CLTCL1: variants seen among roughly 807,000 people sequenced by gnomAD.
CLTCL1 encodes clathrin heavy chain like 1.
CLTCL1 carries 159 observed loss-of-function variants against 190.0 expected under a neutral mutation model. The observed-to-expected ratio is 0.84, with a 90% confidence interval of 0.74 to 0.95. The LOEUF is 0.95. Ranked by LOEUF, CLTCL1 falls within the 40% of genes least tolerant of loss-of-function variation. The probability of loss-of-function intolerance (pLI) is 0.00; values close to 1 mark genes in which losing one functional copy is unlikely to be tolerated. For synonymous variants in CLTCL1, 752 were observed against 769.6 expected (o/e 0.98, Z 0.38); for missense variants, 1,878 against 2,033.4 (o/e 0.92, Z 1.47).
At chr22:19,246,507 G>A (rs1217188198) in intron 3 of CLTCL1, among the ~76,000 whole-genome samples, 4 of 150,174 alleles carry the variant, frequency 2.7e-5, no homozygotes, top group Non-Finnish European at 5.9e-5. Context: ...ATGGAGTTTC[G>A]CTCTTGTTGC....
chr22:19,210,186 T>G, intron 20 of CLTCL1, 140 bp downstream of exon 20: 2 of 711,486 alleles, frequency 2.8e-6, no homozygotes, highest in Non-Finnish European at 4.4e-6. Flanking sequence ...GGGTTGCTGG[T>G]GAGGAACAGA....
intron 2 of CLTCL1, among the ~76,000 whole-genome samples, chr22:19,267,701 T>C (rs1392423539): frequency 6.6e-6 from 1 of 151,924 alleles, no homozygotes; most frequent in Non-Finnish European, 1.5e-5. Flanking sequence ...CAAGACCAGC[T>C]TGGCCAACAT....
chr22:19,256,486 A>G (rs2086763007), intron 2 of CLTCL1, among the ~76,000 whole-genome samples: 1 of 149,596 alleles, frequency 6.7e-6, no homozygotes, highest in Non-Finnish European at 1.5e-5. Flanking sequence ...CCCCCCGAGT[A>G]TCAGGGATTA....
chr22:19,236,123 C>G (rs2086075590), intron 5 of CLTCL1, among the ~76,000 whole-genome samples: 1 of 152,148 alleles, frequency 6.6e-6, no homozygotes, highest in Non-Finnish European at 1.5e-5. Flanking sequence ...CCACACCTAG[C>G]TATACAAGGA....
At chr22:19,242,573 G>A (rs782122207) in intron 4 of CLTCL1, among the ~76,000 whole-genome samples, 21 of 152,168 alleles carry the variant, frequency 1.4e-4, no homozygotes, top group Non-Finnish European at 2.2e-4. Context: ...GATTACAGGC[G>A]TGAGCCACCG....
chr22:19,222,233 G>A lies in CLTCL1; in HGVS notation c.2419-140C>T. On this transcript the variant is annotated intron_variant, in intron 15 of 32. Transcript: ENST00000427926. ...CGCTGTGTCCCACCAAAATTCACCT[G>A]CTGATGTCCTAACCCCTAGTGGGAT... is the stretch of plus-strand genomic sequence containing the variant. 7 of 802,466 alleles carry A rather than the reference G, an allele frequency of 8.7e-6. No homozygotes were observed. In the South Asian group the frequency reaches 1.2e-4, roughly 13 times the overall value. 49.7% of individuals were successfully genotyped at this position (802,466 alleles called of 1,614,324 possible). A position where few individuals can be genotyped will look rare whatever the true frequency, so the allele number is the denominator to read the frequency against.
chr22:19,180,844 A>T (rs956582321), intron 30 of CLTCL1, 38 bp from the exon 31 acceptor site: 1 of 1,588,206 alleles, frequency 6.3e-7, no homozygotes, highest in Non-Finnish European at 8.6e-7. Context: ...CCCGCTTGAC[A>T]GAGTGCAGTC....
rs899332155 is a variant in CLTCL1, at chr22:19,220,138, T to C, written c.2797-131A>G. On this transcript the variant is annotated intron_variant, in intron 17 of 32. Coordinates refer to ENST00000427926, the MANE Select transcript of CLTCL1 (RefSeq NM_007098.4). ...GACAGTCAGGGCCCAGGCAAGACGCTATGCTTTGACATGGGATGAGCAGCA... is the reference window on the plus strand; with the variant it reads ...GACAGTCAGGGCCCAGGCAAGACGCCATGCTTTGACATGGGATGAGCAGCA... 1.4e-5 allele frequency: 16 copies of C among 1,129,180 alleles called. No individual in the cohort carries two copies. The Admixed American group carries it at 1.8e-4, about 13-fold the overall frequency. 69.9% of individuals were successfully genotyped at this position (1,129,180 alleles called of 1,614,324 possible).
At chr22:19,242,189 C>T (rs2086277659) in intron 4 of CLTCL1, among the ~76,000 whole-genome samples, 1 of 151,340 alleles carries the variant, frequency 6.6e-6, no homozygotes, top group African/African-American at 2.4e-5. Context: ...GCAATCCACC[C>T]ACCTCGGCCT....
At chr22:19,227,449 C>CTTT (rs1216657802) in intron 11 of CLTCL1, among the ~76,000 whole-genome samples, 13 of 125,316 alleles carry the variant, frequency 1.0e-4, no homozygotes, top group African/African-American at 3.0e-4. Context: ...CACCTGGCTA[C>CTTT]TTTTTTTTTT....
chr22:19,226,177 T>A (rs1555955830), intron 12 of CLTCL1, 42 bp downstream of exon 12: 1 of 1,596,278 alleles, frequency 6.3e-7, no homozygotes. Context: ...ATTAATTGCA[T>A]AGACAACAGC....
intron 1 of CLTCL1, among the ~76,000 whole-genome samples, chr22:19,276,320 G>T (rs2087501502): frequency 6.6e-6 from 1 of 152,204 alleles, no homozygotes; most frequent in Admixed American, 6.5e-5. Flanking sequence ...CATTTCCCTA[G>T]ATATCATCAA....
intron 2 of CLTCL1, among the ~76,000 whole-genome samples, chr22:19,262,932 G>A (rs1428885317): frequency 6.6e-6 from 1 of 151,696 alleles, no homozygotes; most frequent in African/African-American, 2.4e-5. Flanking sequence ...TCGGGAGGCT[G>A]AGGCAGGAGG....
chr22:19,232,103 G>C (rs1428226583), intron 10 of CLTCL1, among the ~76,000 whole-genome samples: 4 of 152,132 alleles, frequency 2.6e-5, no homozygotes, highest in African/African-American at 9.7e-5. Flanking sequence ...ATGAACATCT[G>C]GGGGACGCAA....
At chr22:19,227,255 C>G (rs1480166840) in intron 11 of CLTCL1, among the ~76,000 whole-genome samples, 2 of 147,188 alleles carry the variant, frequency 1.4e-5, no homozygotes, top group African/African-American at 5.0e-5. Context: ...CTCCTGGAAA[C>G]AATTTTGATG....
chr22:19,187,413 ACTAATCCCCCCACCCACCACGAGGATCCC>A, intron 29 of CLTCL1, 116 bp downstream of exon 29: 1 of 733,298 alleles, frequency 1.4e-6, no homozygotes, highest in African/African-American at 1.8e-5. Context: ...TCCCATTAAT[ACTAATCCCCCCACCCACCACGAGGATCCC>A]CTGGTGAAGC....
intron 3 of CLTCL1, among the ~76,000 whole-genome samples, chr22:19,251,951 C>T (rs1337224711): frequency 3.3e-5 from 5 of 152,156 alleles, no homozygotes; most frequent in Non-Finnish European, 2.9e-5. Flanking sequence ...GTGAGTAAGC[C>T]AAAGTCTTAG....
At chr22:19,229,807 G>A in intron 11 of CLTCL1, 31 bp downstream of exon 11, 1 of 1,571,684 alleles carries the variant, frequency 6.4e-7, no homozygotes, top group Non-Finnish European at 8.6e-7. Context: ...CAGGTGCTCT[G>A]CCTCTCGGTG....
chr22:19,183,984 G>A lies in CLTCL1; in HGVS notation c.4606-373C>T. 3.2e-5 allele frequency: 11 copies of A among 340,046 alleles called. No homozygotes were observed. In the South Asian group the frequency reaches 3.5e-4, roughly 11 times the overall value. 21.1% of individuals were successfully genotyped at this position (340,046 alleles called of 1,614,324 possible). ...AGGTCCATGGAGCGTGTGACACCAG[G>A]GGAGCAGTTAGGAGGGGTACGGCTA... is the stretch of plus-strand genomic sequence containing the variant. On this transcript the variant is annotated intron_variant, in intron 29 of 32. Coordinates refer to ENST00000427926, the MANE Select transcript of CLTCL1 (RefSeq NM_007098.4).
Sources: gnomAD v4.1 joint callset for allele counts (sites outside exome capture counted in the v4.1 genomes callset) on GRCh38, gnomAD v4.1.1 for gene constraint, MANE v1.5 for transcripts, NCBI Gene and HGNC (gene_info 2026-07-23, HGNC 2026-07-21) for gene names.